PPP2R3B: variants seen among roughly 807,000 people sequenced by gnomAD.
PPP2R3B encodes serine/threonine-protein phosphatase 2A regulatory subunit B'' subunit beta.
Under a neutral mutation model 72.9 loss-of-function variants are expected in PPP2R3B, and 68 were observed. The observed-to-expected ratio is 0.93, with a 90% CI of 0.77 to 1.14. PPP2R3B has a LOEUF of 1.14. Among genes scored for constraint, PPP2R3B ranks in the 50% most tolerant of loss-of-function variants. PPP2R3B has a pLI of 0.00. For synonymous variants in PPP2R3B, 466 were observed against 375.8 expected, an observed-to-expected ratio of 1.24 and a Z score of -2.78; for missense variants, 1,018 against 842.0, an observed-to-expected ratio of 1.21 and a Z score of -2.59.
chrX:386,538 C>A lies in PPP2R3B; in HGVS notation c.154G>T (p.Gly52Trp), dbSNP rs760561019. Reference sequence around the variant, plus strand: ...GTGGGCCAGGCCCCGGGCTGCTCCCCGTCCCCCGGGGTCGGCTGGTCCCGC... The same window carrying A: ...GTGGGCCAGGCCCCGGGCTGCTCCCAGTCCCCCGGGGTCGGCTGGTCCCGC... Reference protein sequence around the residue: ...PGRDQPTPGDGEQPGAWPTAP... With the variant: ...PGRDQPTPGDWEQPGAWPTAP... Residue 52 changes from glycine to tryptophan, a missense_variant, in exon 1 of 13, where the codon GGG becomes TGG. Transcript: ENST00000390665. The A allele has an allele frequency of 1.4e-6, 2 of 1,430,322 alleles. No homozygotes were observed. The highest frequency in any genetic ancestry group is 1.8e-6 in the Non-Finnish European group (2 of 1,088,990). 88.6% of individuals were successfully genotyped at this position (1,430,322 alleles called of 1,614,324 possible). A position where few individuals can be genotyped will look rare whatever the true frequency, so the allele number is the denominator to read the frequency against.
intron 1 of PPP2R3B, among the ~76,000 whole-genome samples, chrX:369,280 C>T (rs1044631200): frequency 3.9e-5 from 6 of 152,198 alleles, no homozygotes; most frequent in African/African-American, 7.2e-5. Context: ...GGGCCTGTGG[C>T]GGCCAGGTCA....
intron 2 of PPP2R3B, among the ~76,000 whole-genome samples, chrX:355,327 C>T (rs930608737): frequency 3.3e-5 from 5 of 152,126 alleles, no homozygotes; most frequent in Admixed American, 6.5e-5. Flanking sequence ...AACTACAAGG[C>T]GTACTGAAAG....
intron 1 of PPP2R3B, among the ~76,000 whole-genome samples, chrX:364,034 G>C (rs994722997): frequency 1.3e-5 from 2 of 152,246 alleles, no homozygotes; most frequent in Non-Finnish European, 2.9e-5. Context: ...TGCCTGGAAG[G>C]AAGAACCCGG....
rs778292888 is a variant in PPP2R3B, at chrX:345,540, C to T, written c.1012G>A (p.Asp338Asn). 6 of 1,612,970 alleles carry T rather than the reference C, an allele frequency of 3.7e-6. No individual in the cohort carries two copies. The highest frequency in any genetic ancestry group is 1.3e-5 in the African/African-American group (1 of 74,876). Reference protein sequence around the residue: ...TDHDLLIDADDLARHNDHALS... With the variant: ...TDHDLLIDADNLARHNDHALS... ...CCGTGGTCATTGTGCCGCGCCAGGT[C>T]GTCCGCGTCGATGAGCAGGTCGTGG... Residue 338 changes from aspartate to asparagine, a missense_variant, in exon 7 of 13, where the codon GAC becomes AAC. Coordinates refer to ENST00000390665, the MANE Select transcript of PPP2R3B (RefSeq NM_013239.5).
In PPP2R3B at chrX:338,695, C is replaced by T. The variant is rs745580578; in HGVS notation, c.1486G>A (p.Gly496Ser). Residue 496 changes from glycine (G) to serine (S), a missense_variant, in exon 12 of 13, where the codon GGC becomes AGC. Coordinates refer to ENST00000390665, the MANE Select transcript of PPP2R3B (RefSeq NM_013239.5). ...TTCTCCCAGTCCGAGAGCTCGGGGCCGCCGCTGTCACCGTCCTGGAGGAAG... is the reference window on the plus strand; with the variant it reads ...TTCTCCCAGTCCGAGAGCTCGGGGCTGCCGCTGTCACCGTCCTGGAGGAAG... ...ISLLRDGDSG[G>S]PELSDWEKYA... The T allele has an allele frequency of 1.4e-5, 22 of 1,611,758 alleles. No homozygotes were observed. Among genetic ancestry groups the T allele is most frequent in the African/African-American group, 1.1e-4 (8 of 75,026 alleles).
intron 2 of PPP2R3B, among the ~76,000 whole-genome samples, chrX:350,969 T>C (rs1414625444): frequency 6.6e-6 from 1 of 151,838 alleles, no homozygotes; most frequent in Non-Finnish European, 1.5e-5. Context: ...AGGAATAAAC[T>C]GTGGCAGAGT....
chrX:363,350 GCAGTGCATCTCTCCGAGCCCACC>G (rs2071588467), intron 1 of PPP2R3B, among the ~76,000 whole-genome samples: 2 of 75,888 alleles, frequency 2.6e-5, no homozygotes, highest in African/African-American at 5.1e-5. Flanking sequence ...CCACCATCCC[GCAGTGCATCTCTCCGAGCCCACC>G]ATCCCACAGT....
chrX:364,153 G>A (rs919002600), intron 1 of PPP2R3B, among the ~76,000 whole-genome samples: 32 of 152,232 alleles, frequency 2.1e-4, no homozygotes, highest in African/African-American at 7.5e-4. Flanking sequence ...GAGGCAAAAC[G>A]CAGGGTCCTC....
rs751781511 is a variant in PPP2R3B at position 386,569 on chromosome X, C to A, written c.123G>T (p.Ala41=). Residue 41 remains alanine (A), a synonymous_variant, in exon 1 of 13, where the codon GCG becomes GCT. Transcript: ENST00000390665. ...MLQDCLRRIK[A]PGRDQPTPGD... ...CCGGGGTCGGCTGGTCCCGCCCGGG[C>A]GCCTTGATCCGGCGCAGGCAGTCCT... 6.2e-6 allele frequency: 9 copies of A among 1,442,038 alleles called. No individual in the cohort carries two copies. In the Admixed American group the frequency reaches 1.2e-4, roughly 20 times the overall value. 89.3% of individuals were successfully genotyped at this position (1,442,038 alleles called of 1,614,324 possible).
At chrX:364,880 C>G (rs1329915674) in intron 1 of PPP2R3B, among the ~76,000 whole-genome samples, 11 of 7,164 alleles carry the variant, frequency 1.5e-3, no homozygotes, top group Non-Finnish European at 1.7e-3. Flanking sequence ...GAGACTCTGT[C>G]TCAAAACAAA....
intron 7 of PPP2R3B, among the ~76,000 whole-genome samples, chrX:343,590 CGGG>C (rs2071123081): frequency 1.3e-3 from 1 of 772 alleles, no homozygotes; most frequent in South Asian, 0.045. Flanking sequence ...CAACGGGAGG[CGGG>C]AGTGAGACCT....
At chrX:340,343 C>T (rs1186027986) in intron 10 of PPP2R3B, among the ~76,000 whole-genome samples, 2 of 151,358 alleles carry the variant, frequency 1.3e-5, no homozygotes, top group African/African-American at 2.4e-5. Flanking sequence ...GTCGACGCCC[C>T]GAATAGGAGG....
At chrX:364,834 G>C (rs2071668304) in intron 1 of PPP2R3B, among the ~76,000 whole-genome samples, 1 of 49,998 alleles carries the variant, frequency 2.0e-5, no homozygotes, top group Non-Finnish European at 3.3e-5. Flanking sequence ...AGTGAGCTGA[G>C]ATCGCACCAC....
chrX:371,600 T>C (rs2071866120), intron 1 of PPP2R3B, among the ~76,000 whole-genome samples: 1 of 152,056 alleles, frequency 6.6e-6, no homozygotes, highest in African/African-American at 2.4e-5. Context: ...CGTGGAAGGC[T>C]GTGCCCGTCA....
chrX:350,079 G>T (rs1226620992), intron 2 of PPP2R3B, among the ~76,000 whole-genome samples: 1 of 152,248 alleles, frequency 6.6e-6, no homozygotes, highest in Non-Finnish European at 1.5e-5. Context: ...TGGTGGATAT[G>T]AGTCCCACTG....
intron 12 of PPP2R3B, chrX:338,352 G>A (rs1482218604): frequency 3.9e-5 from 23 of 593,916 alleles, no homozygotes; most frequent in Non-Finnish European, 5.1e-5. Context: ...GCGAAGCCTC[G>A]CGCCCAGGAT....
chrX:383,837 C>CAAAAAAAAAAAA (rs757960788), intron 1 of PPP2R3B, among the ~76,000 whole-genome samples: 11 of 45,614 alleles, frequency 2.4e-4, no homozygotes, highest in African/African-American at 3.3e-4. Flanking sequence ...GACTCCGTCT[C>CAAAAAAAAAAAA]AAAAAAAAAA....
Position 334,115 on chromosome X carries a change from G to T in PPP2R3B, c.*252C>A, listed in dbSNP as rs1025082857. 2 of 380,242 alleles carry T rather than the reference G, an allele frequency of 5.3e-6. No individual in the cohort carries two copies. The highest frequency in any genetic ancestry group is 4.6e-6 in the Non-Finnish European group (1 of 216,652). The allele number at this position is 380,242 out of a possible 1,614,324, so 23.6% of individuals were successfully genotyped here. A position where few individuals can be genotyped will look rare whatever the true frequency, so the allele number is the denominator to read the frequency against. ...CCGGAACCCAGGCTGGGTCGGGAACGGCAAGCGCCAGAGGGTGTCCGTGTG... is the reference window on the plus strand; with the variant it reads ...CCGGAACCCAGGCTGGGTCGGGAACTGCAAGCGCCAGAGGGTGTCCGTGTG... On this transcript the variant is annotated 3_prime_UTR_variant, in exon 13 of 13. Coordinates refer to ENST00000390665, the MANE Select transcript of PPP2R3B (RefSeq NM_013239.5).
At position 347,393 on chromosome X, in the gene PPP2R3B, C is replaced by A. The variant is rs1019758015; in HGVS notation, c.615-57G>T. On this transcript the variant is annotated intron_variant, in intron 3 of 12. Transcript: ENST00000390665. ...CACAGGGGGGTGGCTTTCGACCCCG[C>A]AGACGCAGGGTGGAACACGTGTGTG... is the stretch of plus-strand genomic sequence containing the variant. The A allele has an allele frequency of 2.0e-6, 3 of 1,527,092 alleles. No homozygotes were observed. In the African/African-American group the frequency reaches 4.1e-5, roughly 21 times the overall value. The allele number at this position is 1,527,092 out of a possible 1,614,324, so 94.6% of individuals were successfully genotyped here.
Sources: allele counts gnomAD v4.1 joint callset (sites outside exome capture counted in the v4.1 genomes callset), GRCh38; gene constraint gnomAD v4.1.1; transcripts MANE v1.5; gene names NCBI Gene and HGNC (gene_info 2026-07-23, HGNC 2026-07-21).